HEXB: variants seen among roughly 807,000 people sequenced by gnomAD.
HEXB encodes hexosaminidase subunit beta, also known as beta-hexosaminidase subunit beta.
In HEXB, 51 loss-of-function variants were observed where a neutral mutation model predicts 71.2. That is an observed-to-expected ratio of 0.72 (90% CI 0.57 to 0.90). The LOEUF is 0.90. Ranked by LOEUF, HEXB falls within the 40% of genes least tolerant of loss-of-function variation. The pLI is 0.00. For synonymous variants in HEXB, 266 were observed against 249.3 expected (o/e 1.07, Z -0.63); for missense variants, 617 against 677.0 (o/e 0.91, Z 0.98).
At chr5:74,707,853 C>T (rs1364030423) in intron 6 of HEXB, among the ~76,000 whole-genome samples, 1 of 151,932 alleles carries the variant, frequency 6.6e-6, no homozygotes, top group Non-Finnish European at 1.5e-5. Context: ...AGAATGGAAC[C>T]AAGTCCTACT....
chr5:74,721,054 AAT>A, intron 13 of HEXB, 62 bp from the exon 14 acceptor site: 1 of 1,275,328 alleles, frequency 7.8e-7, no homozygotes, highest in Non-Finnish European at 1.1e-6. Context: ...ATCAATCTAA[AAT>A]ATCTTTATGA....
At chr5:74,720,928 C>T (rs1297771090) in intron 13 of HEXB, 181 bp downstream of exon 13, 1 of 761,902 alleles carries the variant, frequency 1.3e-6, no homozygotes, top group East Asian at 2.7e-5. Flanking sequence ...TTTATAGATA[C>T]AAAAAATGTT....
At chr5:74,708,646 C>G (rs1190830067) in intron 6 of HEXB, among the ~76,000 whole-genome samples, 3 of 152,006 alleles carry the variant, frequency 2.0e-5, no homozygotes, top group Non-Finnish European at 4.4e-5. Context: ...CAATCCTAGT[C>G]TCTGATAAAA....
intron 1 of HEXB, among the ~76,000 whole-genome samples, chr5:74,646,312 T>C (rs187069382): frequency 2.6e-5 from 4 of 152,306 alleles, no homozygotes; most frequent in African/African-American, 9.6e-5. Flanking sequence ...TGAATCTTTA[T>C]CAAACTCTTA....
intron 1 of HEXB, among the ~76,000 whole-genome samples, chr5:74,668,053 C>A (rs565882204): frequency 1.3e-5 from 2 of 152,262 alleles, no homozygotes; most frequent in South Asian, 2.1e-4. Context: ...AGTGACAGAG[C>A]CTGGCTCTTC....
At chr5:74,707,628 A>G (rs1175290365) in intron 6 of HEXB, among the ~76,000 whole-genome samples, 2 of 152,372 alleles carry the variant, frequency 1.3e-5, no homozygotes, top group East Asian at 3.8e-4. Context: ...AGGCTCGAGA[A>G]CTACGTGAAG....
upstream of HEXB, among the ~76,000 whole-genome samples, chr5:74,683,826 T>TTC (rs1748785409): frequency 6.6e-6 from 1 of 151,258 alleles, no homozygotes; most frequent in African/African-American, 2.4e-5. Context: ...TCTTTCTTTT[T>TTC]TTTTTTTTTT....
At chr5:74,680,726 T>G (rs747201539), upstream of HEXB, among the ~76,000 whole-genome samples, 1 of 152,234 alleles carries the variant, frequency 6.6e-6, no homozygotes, top group Non-Finnish European at 1.5e-5. Flanking sequence ...GGATTCCATT[T>G]TGGGGATATT....
intron 1 of HEXB, among the ~76,000 whole-genome samples, chr5:74,648,592 T>A (rs965909289): frequency 6.6e-6 from 1 of 152,190 alleles, no homozygotes; most frequent in Non-Finnish European, 1.5e-5. Context: ...TTTCCAAAAC[T>A]GCACCAATTT....
intron 1 of HEXB, among the ~76,000 whole-genome samples, chr5:74,648,912 T>G (rs979540153): frequency 1.3e-5 from 2 of 152,178 alleles, no homozygotes; most frequent in African/African-American, 4.8e-5. Flanking sequence ...AATGGAACAC[T>G]GTAGCACAGA....
chr5:74,677,800 G>A (rs1748663587), intron 1 of HEXB, among the ~76,000 whole-genome samples: 1 of 151,836 alleles, frequency 6.6e-6, no homozygotes, highest in Non-Finnish European at 1.5e-5. Context: ...TTAGTGCACT[G>A]GTCACCTGAG....
intron 3 of HEXB, among the ~76,000 whole-genome samples, 186 bp downstream of exon 3, chr5:74,693,890 C>A (rs1339666048): frequency 6.6e-6 from 1 of 152,210 alleles, no homozygotes; most frequent in Non-Finnish European, 1.5e-5. Flanking sequence ...AGCACAGTGG[C>A]TCACGCCTGT....
At chr5:74,670,795 G>A (rs927226786) in intron 1 of HEXB, among the ~76,000 whole-genome samples, 17 of 152,088 alleles carry the variant, frequency 1.1e-4, no homozygotes, top group African/African-American at 3.9e-4. Flanking sequence ...TTTGCAACAC[G>A]CCTGGTCCAG....
At chr5:74,701,949 T>C (rs1462831162) in intron 5 of HEXB, among the ~76,000 whole-genome samples, 1 of 152,036 alleles carries the variant, frequency 6.6e-6, no homozygotes, top group Non-Finnish European at 1.5e-5. Flanking sequence ...CCCATTCAAA[T>C]TTCGATTGTT....
At position 74,694,365 on chromosome 5, in the gene HEXB, A is replaced by T. The variant is rs1232210959; in HGVS notation, c.511+661A>T. Reference sequence around the variant, plus strand: ...ACTTCTGTTGACTTCAGAAGCAAGCATCTCTCTTCCCTAATTTTAAATTCC... The same window carrying T: ...ACTTCTGTTGACTTCAGAAGCAAGCTTCTCTCTTCCCTAATTTTAAATTCC... On this transcript the variant is annotated intron_variant, in intron 3 of 13. Transcript: ENST00000261416. Among the ~76,000 whole-genome samples the T allele has an allele frequency of 3.9e-5, 6 of 152,326 alleles. 1 individual carries two copies. The East Asian group carries it at 1.2e-3, about 29-fold the overall frequency.
intron 1 of HEXB, among the ~76,000 whole-genome samples, chr5:74,655,863 C>T (rs1748208973): frequency 6.6e-6 from 1 of 152,108 alleles, no homozygotes; most frequent in Non-Finnish European, 1.5e-5. Flanking sequence ...GATCAAGTGA[C>T]ATGCCTGAGA....
At chr5:74,640,247 G>A (rs897613226) in exon 1 of HEXB, 3 of 152,798 alleles carry the variant, frequency 2.0e-5, no homozygotes, top group African/African-American at 4.8e-5. Flanking sequence ...CCCTGCAGCC[G>A]AAGCAGCCCC....
chr5:74,673,778 G>T (rs1249528302), intron 1 of HEXB, among the ~76,000 whole-genome samples: 1 of 152,166 alleles, frequency 6.6e-6, no homozygotes, highest in South Asian at 2.1e-4. Flanking sequence ...TATAGCAGAG[G>T]CTTCTCCATC....
At chr5:74,687,235 G>A (rs1748895483) in intron 1 of HEXB, among the ~76,000 whole-genome samples, 1 of 152,174 alleles carries the variant, frequency 6.6e-6, no homozygotes. Flanking sequence ...AGGAGCAGCA[G>A]GTATCTCAGA....
Sources: gnomAD v4.1 joint callset for allele counts (sites outside exome capture counted in the v4.1 genomes callset) on GRCh38, gnomAD v4.1.1 for gene constraint, MANE v1.5 for transcripts, NCBI Gene and HGNC (gene_info 2026-07-23, HGNC 2026-07-21) for gene names.